Variants in TNK1 observed in about 807,000 individuals in gnomAD.
The protein encoded by TNK1 is non-receptor tyrosine-protein kinase TNK1.
In TNK1, 53 loss-of-function variants were observed where a neutral mutation model predicts 65.2. The ratio of observed to expected loss-of-function variants is 0.81; its 90% CI spans 0.65 to 1.02. The LOEUF (loss-of-function observed/expected upper bound fraction) is 1.02, where lower values mean the gene tolerates loss of function less well. TNK1 is among the 50% of genes least tolerant of loss of function. The pLI, the probability that TNK1 is intolerant of heterozygous loss-of-function variation, is 0.00. For synonymous variants in TNK1, 353 were observed against 364.6 expected, an observed-to-expected ratio of 0.97 and a Z score of 0.36; for missense variants, 837 against 878.4, an observed-to-expected ratio of 0.95 and a Z score of 0.60.
Position 7,383,853 on chromosome 17 carries a change from C to T in TNK1, c.571C>T (p.Pro191Ser). 1 of 1,610,290 alleles carries T rather than the reference C, an allele frequency of 6.2e-7. No homozygotes were observed. Among genetic ancestry groups the T allele is most frequent in the South Asian group, 1.1e-5 (1 of 90,354 alleles). Residue 191 changes from proline (P) to serine (S), a missense_variant, in exon 5 of 13, where the codon CCT becomes TCT. Pro to Ser is a moderately conservative substitution (Grantham distance 74). Transcript: ENST00000688331. ...TCTGCACGGCCTTGTACTGGGCCAG[C>T]CTCTGCAGATGGTGAGCAGATCCAG... ...LRLHGLVLGQ[P>S]LQMVMELAPL...
At position 7,382,859 on chromosome 17, in the gene TNK1, C is replaced by G; in HGVS notation, c.-68C>G. 18 of 1,575,210 alleles carry G rather than the reference C, an allele frequency of 1.1e-5. 1 individual carries two copies. The South Asian group carries it at 2.1e-4, about 19-fold the overall frequency. ...AGGTGGAGCTGGAGACCTGGTCTCTCTAGGGCCTACCCTGAGCTCACCATC... is the reference window on the plus strand; with the variant it reads ...AGGTGGAGCTGGAGACCTGGTCTCTGTAGGGCCTACCCTGAGCTCACCATC... On this transcript the variant is annotated 5_prime_UTR_variant, in exon 2 of 13. Coordinates refer to ENST00000688331, the MANE Select transcript of TNK1 (RefSeq NM_003985.6). The surrounding 1 kb of genome is among the most constrained non-coding windows in gnomAD (Gnocchi z 4.1).
chr17:7,384,653 C>G lies in TNK1; in HGVS notation c.1036C>G (p.Pro346Ala). ...LEDRARLPRPPLCSRALYSLA... is the reference protein window; with the variant it reads ...LEDRARLPRPALCSRALYSLA... ...GGACAGAGCCCGGCTGCCTAGGCCT[C>G]CCCTCTGCTCCAGGGCCCTCTACTC... The change falls in exon 7 of 13, where the codon CCC (proline) becomes GCC (alanine). Residue 346 changes from proline to alanine, a missense_variant. Transcript: ENST00000688331. The G allele has an allele frequency of 1.9e-6, 3 of 1,606,458 alleles. No individual in the cohort carries two copies. Among genetic ancestry groups the G allele is most frequent in the Non-Finnish European group, 2.5e-6 (3 of 1,177,050 alleles).
rs1380389900 is a variant in TNK1 at position 7,383,536 on chromosome 17, G to A, written c.346G>A (p.Val116Ile). 1.2e-6 allele frequency: 2 copies of A among 1,613,642 alleles called. No individual in the cohort carries two copies. Among genetic ancestry groups the A allele is most frequent in the African/African-American group, 1.3e-5 (1 of 74,958 alleles). Residue 116 changes from valine (V) to isoleucine (I), a missense_variant, in exon 4 of 13, where the codon GTT becomes ATT. Coordinates refer to ENST00000688331, the MANE Select transcript of TNK1 (RefSeq NM_003985.6). ...CAAGTGTCTGATCCCAGAGGGTGCTGTTTGCAGAGGGGAGCTGCTGGGTTC... is the reference window on the plus strand; with the variant it reads ...CAAGTGTCTGATCCCAGAGGGTGCTATTTGCAGAGGGGAGCTGCTGGGTTC... ...GLKCLIPEGA[V>I]CRGELLGSGC...
rs1313111657 is a variant in TNK1 at position 7,384,397 on chromosome 17, A to G, written c.867-87A>G. 2.1e-6 allele frequency: 3 copies of G among 1,445,646 alleles called. No homozygotes were observed. The Admixed American group carries it at 8.5e-5, about 41-fold the overall frequency. The allele number at this position is 1,445,646 out of a possible 1,614,324, so 89.6% of individuals were successfully genotyped here. On this transcript the variant is annotated intron_variant, in intron 6 of 12. Coordinates refer to ENST00000688331, the MANE Select transcript of TNK1 (RefSeq NM_003985.6). ...CCTAGGCAAAGAGGACTTTTGTGAA[A>G]GATGGGTGCACTCGGGGGTGCTCCG... is the stretch of plus-strand genomic sequence containing the variant.
intron 7 of TNK1, among the ~76,000 whole-genome samples, chr17:7,385,754 G>A (rs981703597): frequency 1.3e-5 from 2 of 152,044 alleles, no homozygotes; most frequent in African/African-American, 4.8e-5. Flanking sequence ...TAGTAGAGAT[G>A]GGGTTTCACC....
chr17:7,384,699 C>G lies in TNK1; in HGVS notation c.1082C>G (p.Ala361Gly), dbSNP rs774703658. The stretch of plus-strand genomic sequence containing the variant: ...TACTCCCTCGCCTTGCGCTGCTGGG[C>G]CCCCCACCCTGCCGACCGGCCTAGC... ...ALYSLALRCW[A>G]PHPADRPSFS... Residue 361 changes from alanine to glycine, a missense_variant, in exon 7 of 13, where the codon GCC becomes GGC. Transcript: ENST00000688331. 1.9e-6 allele frequency: 3 copies of G among 1,592,156 alleles called. No individual in the cohort carries two copies. The highest frequency in any genetic ancestry group is 1.1e-5 in the South Asian group (1 of 87,788).
chr17:7,386,461 C>G, intron 7 of TNK1, 100 bp from the exon 8 acceptor site: 3 of 918,956 alleles, frequency 3.3e-6, no homozygotes, highest in Non-Finnish European at 5.1e-6. Flanking sequence ...GGGCCCAGCA[C>G]AGACTACATA....
chr17:7,381,769 G>A (rs1904825345), intron 1 of TNK1, among the ~76,000 whole-genome samples: 1 of 152,206 alleles, frequency 6.6e-6, no homozygotes, highest in Non-Finnish European at 1.5e-5. Flanking sequence ...GGTATGCTGT[G>A]TGCACACTGT....
chr17:7,386,211 A>G (rs1157434408), intron 7 of TNK1, among the ~76,000 whole-genome samples: 1 of 152,142 alleles, frequency 6.6e-6, no homozygotes, highest in Non-Finnish European at 1.5e-5. Context: ...AGAGGTCTGG[A>G]TGAGGGTAGA....
rs2143159188 is a variant in TNK1 at position 7,388,296 on chromosome 17, G to A, written c.1478-110G>A. 7 of 1,115,080 alleles carry A rather than the reference G, an allele frequency of 6.3e-6. No homozygotes were observed. In the South Asian group the frequency reaches 7.9e-5, roughly 13 times the overall value. 69.1% of individuals were successfully genotyped at this position (1,115,080 alleles called of 1,614,324 possible). ...AAAAATTAGCCAGTCGTAATGGCAG[G>A]CACCTATAGTCCCAGCTACTCGGGA... On this transcript the variant is annotated intron_variant, in intron 10 of 12. Coordinates refer to ENST00000688331, the MANE Select transcript of TNK1 (RefSeq NM_003985.6). This position sits in a 1 kb window ranked among gnomAD's most constrained non-coding sequence, Gnocchi z 4.5.
chr17:7,384,229 G>A lies in TNK1; in HGVS notation c.842G>A (p.Gly281Glu). 1 of 1,505,924 alleles carries A rather than the reference G, an allele frequency of 6.6e-7. No homozygotes were observed. The highest frequency in any genetic ancestry group is 8.8e-7 in the Non-Finnish European group (1 of 1,135,384). The allele number at this position is 1,505,924 out of a possible 1,614,324, so 93.3% of individuals were successfully genotyped here. The change falls in exon 6 of 13, where the codon GGG becomes GAG. Residue 281 changes from glycine (G) to glutamate (E), a missense_variant. By Grantham distance (98) the Gly-to-Glu change is moderately conservative. Transcript: ENST00000688331. ...GGARGRYVMG[G>E]PRPIPYAWCA... Reference sequence around the variant, plus strand: ...GCCCGGGGCCGCTACGTCATGGGCGGGCCCCGCCCTATCCCCTACGCCTGG... The same window carrying A: ...GCCCGGGGCCGCTACGTCATGGGCGAGCCCCGCCCTATCCCCTACGCCTGG...
chr17:7,382,876 C>T lies in TNK1; in HGVS notation c.-51C>T. On this transcript the variant is annotated 5_prime_UTR_variant, in exon 2 of 13. Transcript: ENST00000688331. This position sits in a 1 kb window ranked among gnomAD's most constrained non-coding sequence, Gnocchi z 4.1. The stretch of plus-strand genomic sequence containing the variant: ...TGGTCTCTCTAGGGCCTACCCTGAG[C>T]TCACCATCTGAAGGAGAGTGCCATC... 1 of 1,601,532 alleles carries T rather than the reference C, an allele frequency of 6.2e-7. No individual in the cohort carries two copies.
intron 10 of TNK1, 125 bp downstream of exon 10, chr17:7,387,582 C>T: frequency 3.9e-6 from 3 of 761,952 alleles, no homozygotes; most frequent in Non-Finnish European, 6.1e-6. Flanking sequence ...CTGCTGGCAT[C>T]CTAGCTATAC....
rs773984371 is a variant in TNK1 at position 7,383,729 on chromosome 17, C to A, written c.447C>A (p.Ser149=). 1.6e-4 allele frequency: 261 copies of A among 1,612,222 alleles called. No individual in the cohort carries two copies. The highest frequency in any genetic ancestry group is 3.3e-4 in the Middle Eastern group (2 of 6,082). ...SGKSVPVAVK[S]LRVGPEGPMG... is the part of the protein sequence containing the mutation. The stretch of plus-strand genomic sequence containing the variant: ...TCCAGGTCCCAGTGGCTGTCAAGTC[C>A]CTCCGGGTAGGTCCCGAAGGCCCGA... The change falls in exon 5 of 13, where the codon TCC becomes TCA. Residue 149 remains serine (S), a synonymous_variant. Transcript: ENST00000688331.
rs760852427 is a variant in TNK1, at chr17:7,384,154, C to T, written c.767C>T (p.Pro256Leu). 3.2e-6 allele frequency: 5 copies of T among 1,541,262 alleles called. No individual in the cohort carries two copies. The highest frequency in any genetic ancestry group is 4.3e-6 in the Non-Finnish European group (5 of 1,150,742). ...ACGCGCAACCTACTGCTGGCGTCGC[C>T]GCGCACCATCAAGGTGGCTGACTTC... ...LATRNLLLAS[P>L]RTIKVADFGL... The change falls in exon 6 of 13, where the codon CCG becomes CTG. Residue 256 changes from proline (P) to leucine (L), a missense_variant. By Grantham distance (98) the Pro-to-Leu change is moderately conservative. Coordinates refer to ENST00000688331, the MANE Select transcript of TNK1 (RefSeq NM_003985.6).
chr17:7,381,819 G>T (rs1485987038), intron 1 of TNK1, among the ~76,000 whole-genome samples: 1 of 152,212 alleles, frequency 6.6e-6, no homozygotes. Flanking sequence ...GGACCTTTGT[G>T]TCTTAGCCGT....
At position 7,382,872 on chromosome 17, in the gene TNK1, T is replaced by G; in HGVS notation, c.-55T>G. 140 of 1,593,462 alleles carry G rather than the reference T, an allele frequency of 8.8e-5. No homozygotes were observed. The highest frequency in any genetic ancestry group is 1.1e-4 in the Non-Finnish European group (128 of 1,166,242). On this transcript the variant is annotated 5_prime_UTR_variant, in exon 2 of 13. Transcript: ENST00000688331. The surrounding 1 kb of genome is among the most constrained non-coding windows in gnomAD (Gnocchi z 4.1). ...GACCTGGTCTCTCTAGGGCCTACCC[T>G]GAGCTCACCATCTGAAGGAGAGTGC...
At position 7,384,033 on chromosome 17, in the gene TNK1, C is replaced by G. The variant is rs1185558331; in HGVS notation, c.646C>G (p.Pro216Ala). 7.3e-6 allele frequency: 11 copies of G among 1,515,982 alleles called. No individual in the cohort carries two copies. The highest frequency in any genetic ancestry group is 1.2e-5 in the South Asian group (1 of 81,714). 93.9% of individuals were successfully genotyped at this position (1,515,982 alleles called of 1,614,324 possible). ...ARLTAPAPTP[P>A]LLVALLCLFL... ...CCTAACGGCCCCGGCCCCGACACCC[C>G]CGCTGCTCGTGGCCCTGCTCTGCCT... Residue 216 changes from proline to alanine, a missense_variant, in exon 6 of 13, where the codon CCG becomes GCG. Transcript: ENST00000688331.
In TNK1 at chr17:7,386,534, AG is replaced by A. The variant is rs762340649; in HGVS notation, c.1138-26del. ...CCTATCTGACTCAGGCCACAAGCCCAGCCACCCTTTCCTCTTGTCTCCACAG... is the reference window on the plus strand; with the variant it reads ...CCTATCTGACTCAGGCCACAAGCCCACCACCCTTTCCTCTTGTCTCCACAG... On this transcript the variant is annotated intron_variant, in intron 7 of 12. Transcript: ENST00000688331. 1.9e-6 allele frequency: 3 copies of A among 1,570,180 alleles called. No individual in the cohort carries two copies. The Admixed American group carries it at 5.5e-5, about 29-fold the overall frequency.
Sources: gnomAD v4.1 joint callset for allele counts (sites outside exome capture counted in the v4.1 genomes callset) on GRCh38, gnomAD v4.1.1 for gene constraint, Gnocchi (gnomAD v3.1) non-coding constraint, MANE v1.5 for transcripts, NCBI Gene and HGNC (gene_info 2026-07-23, HGNC 2026-07-21) for gene names.